The following CNTNAP5 variants were observed in gnomAD, a reference collection of about 807,000 sequenced individuals.
The protein encoded by CNTNAP5 is contactin associated protein family member 5.
In CNTNAP5, 72 loss-of-function variants were observed where a neutral mutation model predicts 150.2. The observed-to-expected ratio is 0.48, with a 90% CI of 0.40 to 0.58. The LOEUF is 0.58. Among genes scored for constraint, CNTNAP5 ranks in the 20% least tolerant of loss-of-function variants. CNTNAP5 has a pLI of 0.00. For synonymous variants in CNTNAP5, 672 were observed against 619.8 expected (o/e 1.08, Z -1.25); for missense variants, 1,636 against 1,626.2 (o/e 1.01, Z -0.10).
chr2:124,093,591 C>T (rs1286194886), intron 1 of CNTNAP5, among the ~76,000 whole-genome samples: 1 of 152,044 alleles, frequency 6.6e-6, no homozygotes, highest in Non-Finnish European at 1.5e-5. Flanking sequence ...GGAATGGGCA[C>T]CCATAGTCAT....
At chr2:124,644,901 C>A (rs928663915) in intron 12 of CNTNAP5, among the ~76,000 whole-genome samples, 17 of 105,614 alleles carry the variant, frequency 1.6e-4, no homozygotes, top group Admixed American at 1.4e-3. Context: ...TGATCACACA[C>A]ACATACACAC....
intron 20 of CNTNAP5, 46 bp from the exon 21 acceptor site, chr2:124,869,629 C>A: frequency 1.6e-6 from 2 of 1,273,072 alleles, no homozygotes; most frequent in Non-Finnish European, 1.1e-6. Flanking sequence ...ATGCTTCTTA[C>A]CTGCAGACCT....
At chr2:124,786,834 T>TA (rs1399899062) in intron 17 of CNTNAP5, among the ~76,000 whole-genome samples, 1 of 152,172 alleles carries the variant, frequency 6.6e-6, no homozygotes, top group African/African-American at 2.4e-5. Context: ...GGGCCGCTTT[T>TA]AAAAAATTAT....
intron 6 of CNTNAP5, among the ~76,000 whole-genome samples, chr2:124,473,459 G>T (rs967974089): frequency 1.3e-5 from 2 of 151,878 alleles, no homozygotes; most frequent in African/African-American, 4.8e-5. Flanking sequence ...TGGGCAACAG[G>T]ATTAATAATA....
chr2:124,752,860 T>C (rs114592481), intron 14 of CNTNAP5, among the ~76,000 whole-genome samples: 151 of 151,882 alleles, frequency 9.9e-4, no homozygotes, highest in African/African-American at 3.3e-3. Context: ...GTGTGGAAGG[T>C]GGAAAAACAG....
chr2:124,904,356 A>G (rs1395390142), intron 22 of CNTNAP5, among the ~76,000 whole-genome samples: 2 of 152,160 alleles, frequency 1.3e-5, no homozygotes, highest in Admixed American at 6.5e-5. Context: ...ATGCCACAAT[A>G]TCTTTAATCA....
rs140123564 is a variant in CNTNAP5 at position 124,382,911 on chromosome 2, T to C, written c.382-34532T>C. Among the ~76,000 whole-genome samples the C allele has an allele frequency of 2.7e-3, 409 of 152,294 alleles. 3 individuals carry two copies. Among genetic ancestry groups the C allele is most frequent in the African/African-American group, 9.3e-3 (388 of 41,556 alleles). ...TAACACAGAAAAAGATTTTTTTTTCTTTTAAAGTGTTCTTAACATTCCTCG... is the reference window on the plus strand; with the variant it reads ...TAACACAGAAAAAGATTTTTTTTTCCTTTAAAGTGTTCTTAACATTCCTCG... On this transcript the variant is annotated intron_variant, in intron 3 of 23. Transcript: ENST00000682447.
intron 7 of CNTNAP5, among the ~76,000 whole-genome samples, chr2:124,496,728 A>G (rs1367847543): frequency 1.3e-5 from 2 of 152,120 alleles, no homozygotes; most frequent in African/African-American, 4.8e-5. Context: ...CTGACTTACT[A>G]TTTCCTCTCA....
At chr2:124,361,971 C>G (rs573246322) in intron 3 of CNTNAP5, among the ~76,000 whole-genome samples, 3 of 152,180 alleles carry the variant, frequency 2.0e-5, no homozygotes, top group Non-Finnish European at 4.4e-5. Context: ...ACTTCGTGGG[C>G]GTAGGACCCT....
intron 13 of CNTNAP5, among the ~76,000 whole-genome samples, chr2:124,711,141 C>T (rs113685887): frequency 0.022 from 3,288 of 151,910 alleles, 57 homozygotes; most frequent in Middle Eastern, 0.041. Flanking sequence ...TGTGGTGGCA[C>T]GCACCTGTAA....
chr2:124,489,166 C>T (rs953559828), intron 7 of CNTNAP5, among the ~76,000 whole-genome samples: 3 of 152,204 alleles, frequency 2.0e-5, no homozygotes, highest in Admixed American at 2.0e-4. Context: ...TTAAGAAAAA[C>T]TATTAAAACT....
chr2:124,326,672 C>A (rs1196222116), intron 3 of CNTNAP5, among the ~76,000 whole-genome samples: 2 of 152,126 alleles, frequency 1.3e-5, no homozygotes, highest in Non-Finnish European at 2.9e-5. Flanking sequence ...TGCCTGTAAT[C>A]TCAGCACTTT....
At chr2:124,157,352 T>C (rs1384201646) in intron 1 of CNTNAP5, among the ~76,000 whole-genome samples, 1 of 152,176 alleles carries the variant, frequency 6.6e-6, no homozygotes, top group Admixed American at 6.5e-5. Flanking sequence ...GTAACACCTG[T>C]TCTTTTGGCA....
chr2:124,696,353 A>G (rs1005191747), intron 13 of CNTNAP5, among the ~76,000 whole-genome samples: 31 of 152,174 alleles, frequency 2.0e-4, no homozygotes, highest in Non-Finnish European at 4.1e-4. Context: ...TCAAGTGCAA[A>G]TTAAATAAAA....
intron 3 of CNTNAP5, among the ~76,000 whole-genome samples, chr2:124,322,157 A>T (rs1689116371): frequency 7.1e-6 from 1 of 140,592 alleles, no homozygotes; most frequent in South Asian, 2.2e-4. Flanking sequence ...CTCCAAAATA[A>T]TAATAATAAA....
intron 19 of CNTNAP5, among the ~76,000 whole-genome samples, chr2:124,854,966 G>A (rs966953588): frequency 1.3e-5 from 2 of 152,056 alleles, no homozygotes; most frequent in Non-Finnish European, 2.9e-5. Flanking sequence ...CAGCTAAGGG[G>A]AAAAGAGAAA....
At chr2:124,657,864 A>G (rs1375520246) in intron 13 of CNTNAP5, among the ~76,000 whole-genome samples, 1 of 152,164 alleles carries the variant, frequency 6.6e-6, no homozygotes, top group Non-Finnish European at 1.5e-5. Flanking sequence ...GATTTTACGT[A>G]CAACTAAAGT....
At chr2:124,436,886 A>G (rs758733723) in intron 5 of CNTNAP5, among the ~76,000 whole-genome samples, 18 of 152,100 alleles carry the variant, frequency 1.2e-4, no homozygotes, top group Non-Finnish European at 1.8e-4. Context: ...TCAGTTTACC[A>G]CAGTTGAGTG....
chr2:124,711,964 A>C (rs1679817568), intron 13 of CNTNAP5, among the ~76,000 whole-genome samples: 1 of 152,188 alleles, frequency 6.6e-6, no homozygotes, highest in African/African-American at 2.4e-5. Flanking sequence ...AGACACGTGC[A>C]GAAGATCCAG....
Sources: allele counts gnomAD v4.1 joint callset (sites outside exome capture counted in the v4.1 genomes callset), GRCh38; gene constraint gnomAD v4.1.1; transcripts MANE v1.5; gene names NCBI Gene and HGNC (gene_info 2026-07-23, HGNC 2026-07-21).